The following CSNK1G1 variants were observed in gnomAD, a reference collection of about 807,000 sequenced individuals.
The protein encoded by CSNK1G1 is casein kinase I isoform gamma-1.
In CSNK1G1, 22 loss-of-function variants were observed where a neutral mutation model predicts 59.6. The observed-to-expected ratio is 0.37, with a 90% CI of 0.26 to 0.53. The LOEUF is 0.53. CSNK1G1 is among the 20% of genes least tolerant of loss of function. The probability of loss-of-function intolerance (pLI) is 0.89; values close to 1 mark genes in which losing one functional copy is unlikely to be tolerated. For synonymous variants in CSNK1G1, 179 were observed against 177.1 expected (o/e 1.01, Z -0.08); for missense variants, 384 against 519.5 (o/e 0.74, Z 2.54).
intron 4 of CSNK1G1, 25 bp downstream of exon 4, chr15:64,251,487 A>G: frequency 6.4e-7 from 1 of 1,554,900 alleles, no homozygotes; most frequent in Non-Finnish European, 8.8e-7. Context: ...ATACTAAGTA[A>G]GTGGAGAGAA....
At chr15:64,325,500 T>G (rs1254599949) in intron 1 of CSNK1G1, among the ~76,000 whole-genome samples, 1 of 152,180 alleles carries the variant, frequency 6.6e-6, no homozygotes, top group Non-Finnish European at 1.5e-5. Context: ...GAGAAACTCA[T>G]AGCCCCAGAA....
chr15:64,295,354 T>C (rs1894965504), intron 2 of CSNK1G1, among the ~76,000 whole-genome samples: 1 of 152,212 alleles, frequency 6.6e-6, no homozygotes. Context: ...TAAATGGGTT[T>C]ACATCTTCCT....
chr15:64,244,400 G>T (rs1161298610), intron 4 of CSNK1G1, among the ~76,000 whole-genome samples: 1 of 150,402 alleles, frequency 6.6e-6, no homozygotes, highest in African/African-American at 2.4e-5. Context: ...TGGGCCGGGG[G>T]GAGACATCCC....
chr15:64,290,462 A>C (rs183797220), intron 2 of CSNK1G1, among the ~76,000 whole-genome samples: 9 of 152,302 alleles, frequency 5.9e-5, no homozygotes, highest in African/African-American at 2.2e-4. Context: ...CATTAACTTA[A>C]GTGAAACAAC....
intron 10 of CSNK1G1, among the ~76,000 whole-genome samples, chr15:64,202,388 C>CT (rs1048370154): frequency 1.0e-4 from 15 of 147,164 alleles, no homozygotes; most frequent in South Asian, 2.2e-4. Flanking sequence ...TGCGACAGGT[C>CT]TTTTTTTTTT....
intron 4 of CSNK1G1, among the ~76,000 whole-genome samples, chr15:64,250,033 C>T (rs1184434060): frequency 6.6e-6 from 1 of 152,192 alleles, no homozygotes; most frequent in Non-Finnish European, 1.5e-5. Context: ...ACATGCTTAT[C>T]ATAAATGGGC....
intron 2 of CSNK1G1, among the ~76,000 whole-genome samples, chr15:64,299,808 G>A (rs751783997): frequency 2.6e-5 from 4 of 151,960 alleles, no homozygotes; most frequent in African/African-American, 7.3e-5. Context: ...AGGAAGAAAC[G>A]CAAACAAATT....
chr15:64,226,168 G>A (rs75107108), intron 4 of CSNK1G1, among the ~76,000 whole-genome samples: 6,483 of 152,316 alleles, frequency 0.043, 155 homozygotes, highest in South Asian at 0.079. Flanking sequence ...TGCTGGGCAC[G>A]TAAGCCACTG....
chr15:64,301,748 G>A (rs541468994), intron 1 of CSNK1G1, among the ~76,000 whole-genome samples: 27 of 152,190 alleles, frequency 1.8e-4, no homozygotes, highest in Admixed American at 4.6e-4. Flanking sequence ...TTAGCTGGAC[G>A]TGGTGGCAGG....
chr15:64,278,326 C>T (rs534921449), intron 2 of CSNK1G1, among the ~76,000 whole-genome samples: 2 of 149,730 alleles, frequency 1.3e-5, no homozygotes, highest in East Asian at 2.0e-4. Context: ...GGATTGTAGG[C>T]GTGAGTCACC....
Position 64,166,392 on chromosome 15 carries a change from C to A in CSNK1G1, c.*5539G>T. On this transcript the variant is annotated 3_prime_UTR_variant, in exon 12 of 12. Transcript: ENST00000303052. This position sits in a 1 kb window ranked among gnomAD's most constrained non-coding sequence, Gnocchi z 4.5. The stretch of plus-strand genomic sequence containing the variant: ...TTTTTCTCTGCTTGATAAAATGGGG[C>A]TCATTCCTAAAGCCAGCTTGCTGAG... The A allele has an allele frequency of 6.0e-6, 1 of 167,502 alleles. No individual in the cohort carries two copies. The highest frequency in any genetic ancestry group is 1.3e-5 in the Non-Finnish European group (1 of 78,302). 10.4% of individuals were successfully genotyped at this position (167,502 alleles called of 1,614,324 possible). A position where few individuals can be genotyped will look rare whatever the true frequency, so the allele number is the denominator to read the frequency against.
intron 4 of CSNK1G1, among the ~76,000 whole-genome samples, chr15:64,222,440 A>C (rs12101810): frequency 0.019 from 2,432 of 127,714 alleles, 36 homozygotes; most frequent in Middle Eastern, 0.024. Flanking sequence ...ACACCACCAA[A>C]AAAAAAAAAA....
At chr15:64,204,403 T>C in intron 9 of CSNK1G1, 38 bp downstream of exon 9, 1 of 1,475,032 alleles carries the variant, frequency 6.8e-7, no homozygotes, top group Non-Finnish European at 9.0e-7. Context: ...AGAAAGGAGG[T>C]AATGAGGTTA....
At chr15:64,329,267 G>C (rs774968967) in intron 1 of CSNK1G1, among the ~76,000 whole-genome samples, 6,683 of 151,618 alleles carry the variant, frequency 0.044, 195 homozygotes, top group South Asian at 0.083. Flanking sequence ...TGACCACATA[G>C]TTGGAAGTAA....
intron 2 of CSNK1G1, among the ~76,000 whole-genome samples, chr15:64,294,938 G>A (rs1894937894): frequency 6.9e-6 from 1 of 144,262 alleles, no homozygotes. Context: ...AAAAAAAAGA[G>A]GGTCGGGGGG....
At chr15:64,197,473 G>GTACC (rs1292294058) in intron 10 of CSNK1G1, among the ~76,000 whole-genome samples, 6 of 152,152 alleles carry the variant, frequency 3.9e-5, no homozygotes, top group Non-Finnish European at 8.8e-5. Context: ...TCTAGTAATA[G>GTACC]TACCACATGC....
chr15:64,342,206 C>T (rs182005862), intron 1 of CSNK1G1, among the ~76,000 whole-genome samples: 1 of 152,330 alleles, frequency 6.6e-6, no homozygotes, highest in East Asian at 1.9e-4. Flanking sequence ...GATTCTTGAG[C>T]TTGACATCCT....
chr15:64,304,405 A>G (rs1237891447), intron 1 of CSNK1G1, among the ~76,000 whole-genome samples: 1 of 131,780 alleles, frequency 7.6e-6, no homozygotes, highest in Non-Finnish European at 1.7e-5. Flanking sequence ...AAAAAAAAAA[A>G]GGAAAGAAAA....
At position 64,171,679 on chromosome 15, in the gene CSNK1G1, G is replaced by T; in HGVS notation, c.*252C>A. ...AATGGGAAGGAGAGTCAACCAGGCAGCCCTATGGGCAAGCAGTGGAGGAAC... is the reference window on the plus strand; with the variant it reads ...AATGGGAAGGAGAGTCAACCAGGCATCCCTATGGGCAAGCAGTGGAGGAAC... On this transcript the variant is annotated 3_prime_UTR_variant, in exon 12 of 12. Transcript: ENST00000303052. This position sits in a 1 kb window ranked among gnomAD's most constrained non-coding sequence, Gnocchi z 4.8. The T allele has an allele frequency of 1.8e-6, 1 of 562,048 alleles. No homozygotes were observed. The highest frequency in any genetic ancestry group is 3.2e-6 in the Non-Finnish European group (1 of 314,392). 34.8% of individuals were successfully genotyped at this position (562,048 alleles called of 1,614,324 possible).
Sources: allele counts gnomAD v4.1 joint callset (sites outside exome capture counted in the v4.1 genomes callset), GRCh38; gene constraint gnomAD v4.1.1; non-coding constraint Gnocchi (gnomAD v3.1); transcripts MANE v1.5; gene names NCBI Gene and HGNC (gene_info 2026-07-23, HGNC 2026-07-21).